The following RPS24 variants were observed in gnomAD, a reference collection of about 807,000 sequenced individuals.
RPS24 encodes small ribosomal subunit protein eS24.
For synonymous variants in RPS24, 72 were observed against 55.6 expected, an observed-to-expected ratio of 1.30 and a Z score of -1.31; for missense variants, 100 against 162.5, an observed-to-expected ratio of 0.62 and a Z score of 2.09.
At chr10:78,040,012 A>T in intron 4 of RPS24, 192 bp from the exon 5 acceptor site, 1 of 680,522 alleles carries the variant, frequency 1.5e-6, no homozygotes, top group Non-Finnish European at 2.7e-6. Context: ...GCATTGTCAG[A>T]ATTGGGAGGA....
At chr10:78,043,263 A>G (rs1402396259), downstream of RPS24, among the ~76,000 whole-genome samples, 4 of 152,168 alleles carry the variant, frequency 2.6e-5, no homozygotes, top group East Asian at 7.7e-4. Flanking sequence ...TTGGCCTCCC[A>G]AAGTGCTGGG....
chr10:78,042,759 C>G (rs550393908), downstream of RPS24, among the ~76,000 whole-genome samples: 155 of 152,182 alleles, frequency 1.0e-3, no homozygotes, highest in African/African-American at 3.6e-3. Flanking sequence ...AAGGTACCTG[C>G]AGTGAATATT....
downstream of RPS24, among the ~76,000 whole-genome samples, chr10:78,043,593 C>G (rs1257447338): frequency 7.2e-6 from 1 of 139,674 alleles, no homozygotes; most frequent in Non-Finnish European, 1.5e-5. Context: ...TACTGACCAC[C>G]TGCTGTGTCC....
chr10:78,037,102 T>C, intron 3 of RPS24, 92 bp from the exon 4 acceptor site: 2 of 1,492,646 alleles, frequency 1.3e-6, no homozygotes, highest in Non-Finnish European at 1.8e-6. Flanking sequence ...GCTGTGTTTC[T>C]TAAGCTCAGA....
chr10:78,043,273 G>A (rs907141709), downstream of RPS24, among the ~76,000 whole-genome samples: 3 of 152,154 alleles, frequency 2.0e-5, no homozygotes, highest in Non-Finnish European at 4.4e-5. Context: ...AAAGTGCTGG[G>A]ATTACAGGTG....
downstream of RPS24, among the ~76,000 whole-genome samples, chr10:78,041,387 G>T (rs1385319896): frequency 1.3e-5 from 2 of 152,220 alleles, no homozygotes; most frequent in African/African-American, 4.8e-5. Flanking sequence ...TGGCCAGGGG[G>T]TGGTTGGAGT....
downstream of RPS24, among the ~76,000 whole-genome samples, chr10:78,044,642 A>C (rs1848023470): frequency 6.6e-6 from 1 of 151,586 alleles, no homozygotes; most frequent in Admixed American, 6.6e-5. Flanking sequence ...AACTTCCCGC[A>C]TGCCAGATGT....
intron 4 of RPS24, among the ~76,000 whole-genome samples, chr10:78,053,748 A>G (rs1848123671): frequency 6.6e-6 from 1 of 152,208 alleles, no homozygotes; most frequent in African/African-American, 2.4e-5. Flanking sequence ...CACCGGATGA[A>G]GGGGTGTCTC....
rs775865079 is a variant in RPS24 at position 78,033,913 on chromosome 10, C to A, written c.3+9C>A. ...GATAGATCGCCATCATGGTGAGTCT[C>A]CCTGGGCCCGTGCAGTCATCTGCCG... is the stretch of plus-strand genomic sequence containing the variant. On this transcript the variant is annotated intron_variant, in intron 1 of 5. Transcript: ENST00000372360. The A allele has an allele frequency of 6.2e-7, 1 of 1,613,988 alleles. No individual in the cohort carries two copies. Among genetic ancestry groups the A allele is most frequent in the African/African-American group, 1.3e-5 (1 of 74,934 alleles).
intron 4 of RPS24, among the ~76,000 whole-genome samples, chr10:78,047,151 A>C (rs1848052269): frequency 6.6e-6 from 1 of 150,956 alleles, no homozygotes; most frequent in African/African-American, 2.4e-5. Flanking sequence ...TTTTTAGTAG[A>C]GATGGGATTT....
intron 1 of RPS24, 155 bp downstream of exon 1, chr10:78,034,059 G>C: frequency 2.1e-6 from 2 of 949,106 alleles, no homozygotes; most frequent in East Asian, 4.8e-5. Flanking sequence ...CGGGGCTGTT[G>C]GCAGGGCGTC....
chr10:78,035,274 A>C, intron 1 of RPS24, 78 bp from the exon 2 acceptor site: 1 of 1,413,886 alleles, frequency 7.1e-7, no homozygotes, highest in South Asian at 1.2e-5. Context: ...GGACTGCAAC[A>C]TTCTAGGTCT....
At chr10:78,035,942 C>A in intron 3 of RPS24, 1 of 554,132 alleles carries the variant, frequency 1.8e-6, no homozygotes, top group Non-Finnish European at 3.2e-6. Context: ...AAGTAGTGTT[C>A]TTGGAGATGG....
chr10:78,045,725 C>G (rs1848036472), intron 4 of RPS24, among the ~76,000 whole-genome samples: 1 of 151,108 alleles, frequency 6.6e-6, no homozygotes, highest in Admixed American at 6.6e-5. Context: ...CAAATGCTGG[C>G]TGGGTGTGGT....
chr10:78,035,836 G>A, intron 3 of RPS24, 116 bp downstream of exon 3: 1 of 873,840 alleles, frequency 1.1e-6, no homozygotes, highest in Non-Finnish European at 1.9e-6. Context: ...ACTCTGAAAG[G>A]ATTAAGAGAA....
rs761498872 is a variant in RPS24 at position 78,038,554 on chromosome 10, T to TAAA, written c.390+1252_390+1254dup. ...TGCCTGGTGTCTTTTTTTTTTTTTTTAAAATAGAAAATTTTTGAGGTAATT... is the reference window on the plus strand; with the variant it reads ...TGCCTGGTGTCTTTTTTTTTTTTTTTAAAAAAATAGAAAATTTTTGAGGTAATT... On this transcript the variant is annotated intron_variant, in intron 4 of 5. Coordinates refer to ENST00000372360, the MANE Select transcript of RPS24 (RefSeq NM_033022.4). 420 of 151,176 alleles carry TAAA rather than the reference T, an allele frequency of 2.8e-3. 3 individuals are homozygous for TAAA. Among genetic ancestry groups the TAAA allele is most frequent in the African/African-American group, 9.6e-3 (392 of 40,990 alleles). The allele number at this position is 151,176 out of a possible 1,614,324, so 9.4% of individuals were successfully genotyped here.
At chr10:78,042,817 G>C (rs1848000095), downstream of RPS24, among the ~76,000 whole-genome samples, 2 of 152,128 alleles carry the variant, frequency 1.3e-5, no homozygotes, top group South Asian at 4.1e-4. Flanking sequence ...CATGAGTTCT[G>C]TTTGTAGCTG....
At chr10:78,036,100 A>G (rs932319622) in intron 3 of RPS24, 1 of 334,384 alleles carries the variant, frequency 3.0e-6, no homozygotes, top group Admixed American at 4.5e-5. Flanking sequence ...TTTTGATTGT[A>G]TACTGAGTGT....
exon 5 of RPS24, chr10:78,054,695 C>T: frequency 6.4e-7 from 1 of 1,551,656 alleles, no homozygotes; most frequent in Non-Finnish European, 8.7e-7. Context: ...TGCGGAGGGG[C>T]TGTGGCAAGT....
Sources: allele counts gnomAD v4.1 joint callset (sites outside exome capture counted in the v4.1 genomes callset), GRCh38; gene constraint gnomAD v4.1.1; transcripts MANE v1.5; gene names NCBI Gene and HGNC (gene_info 2026-07-23, HGNC 2026-07-21).